CCDC178: variants seen among roughly 807,000 people sequenced by gnomAD.
The protein encoded by CCDC178 is coiled-coil domain-containing protein 178.
CCDC178 carries 126 observed loss-of-function variants against 117.4 expected under a neutral mutation model. The ratio of observed to expected loss-of-function variants is 1.07; its 90% confidence interval spans 0.93 to 1.24. The LOEUF (loss-of-function observed/expected upper bound fraction) is 1.24, where lower values mean the gene tolerates loss of function less well. Ranked by LOEUF, CCDC178 falls within the 50% of genes most tolerant of loss-of-function variation. CCDC178 has a pLI of 0.00. For synonymous variants in CCDC178, 283 were observed against 313.4 expected (o/e 0.90, Z 1.02); for missense variants, 1,030 against 986.9 (o/e 1.04, Z -0.59).
At chr18:33,086,968 TGACA>T (rs1407435268) in intron 21 of CCDC178, among the ~76,000 whole-genome samples, 1 of 79,180 alleles carries the variant, frequency 1.3e-5, no homozygotes, top group Non-Finnish European at 2.3e-5. Flanking sequence ...AGCTATTGGT[TGACA>T]CACACACACA....
chr18:33,158,606 T>A (rs2058427973), intron 20 of CCDC178, among the ~76,000 whole-genome samples: 1 of 152,106 alleles, frequency 6.6e-6, no homozygotes, highest in Middle Eastern at 3.2e-3. Context: ...ATCATTACTA[T>A]AAACATTCAC....
chr18:33,299,314 T>A (rs1201271238), intron 11 of CCDC178, among the ~76,000 whole-genome samples: 1 of 152,074 alleles, frequency 6.6e-6, no homozygotes, highest in Non-Finnish European at 1.5e-5. Context: ...TACAACCAAC[T>A]GATTTTTGAC....
intron 5 of CCDC178, among the ~76,000 whole-genome samples, chr18:33,377,628 G>A (rs911166654): frequency 5.3e-5 from 8 of 152,026 alleles, no homozygotes; most frequent in Non-Finnish European, 7.4e-5. Context: ...TTTTGTATAC[G>A]GTGAAAGGGA....
intron 20 of CCDC178, among the ~76,000 whole-genome samples, chr18:33,191,978 TTC>T (rs1383371265): frequency 6.6e-6 from 1 of 152,208 alleles, no homozygotes; most frequent in Non-Finnish European, 1.5e-5. Context: ...GTTGCACATG[TTC>T]TGTTATATGA....
intron 20 of CCDC178, among the ~76,000 whole-genome samples, chr18:33,190,616 A>G (rs1336364839): frequency 1.3e-5 from 2 of 152,244 alleles, no homozygotes; most frequent in African/African-American, 4.8e-5. Context: ...GATAAGTTGC[A>G]TATTTCCAAG....
At chr18:33,230,749 G>A (rs1270264997) in intron 15 of CCDC178, among the ~76,000 whole-genome samples, 2 of 152,144 alleles carry the variant, frequency 1.3e-5, no homozygotes, top group Non-Finnish European at 2.9e-5. Flanking sequence ...GATGTGGAGA[G>A]ATGGGACAGG....
intron 11 of CCDC178, among the ~76,000 whole-genome samples, chr18:33,306,894 G>C (rs984346360): frequency 6.6e-6 from 1 of 151,810 alleles, no homozygotes; most frequent in African/African-American, 2.4e-5. Flanking sequence ...ATTTTATAAG[G>C]GGCTTCCTCC....
At chr18:33,393,069 T>G (rs1263651793) in intron 4 of CCDC178, among the ~76,000 whole-genome samples, 2 of 152,018 alleles carry the variant, frequency 1.3e-5, no homozygotes, top group Non-Finnish European at 2.9e-5. Context: ...GAGTACAGAG[T>G]GAAAGCAATC....
At chr18:33,109,496 T>C (rs988272126) in intron 20 of CCDC178, among the ~76,000 whole-genome samples, 2 of 151,634 alleles carry the variant, frequency 1.3e-5, no homozygotes, top group Non-Finnish European at 3.0e-5. Context: ...CCCTCGATCT[T>C]TTAAAAACTT....
At chr18:33,411,203 GATA>G (rs925704278) in intron 3 of CCDC178, among the ~76,000 whole-genome samples, 2 of 152,150 alleles carry the variant, frequency 1.3e-5, no homozygotes, top group African/African-American at 4.8e-5. Flanking sequence ...GTGCAGCAGT[GATA>G]ACTGATACAA....
At chr18:33,416,040 G>A (rs796674346) in intron 2 of CCDC178, among the ~76,000 whole-genome samples, 2 of 152,198 alleles carry the variant, frequency 1.3e-5, no homozygotes, top group African/African-American at 4.8e-5. Context: ...ACAAAAGCCT[G>A]CTTTCTTTAG....
At chr18:33,432,043 C>T (rs1889596990) in intron 2 of CCDC178, among the ~76,000 whole-genome samples, 3 of 152,152 alleles carry the variant, frequency 2.0e-5, no homozygotes, top group Admixed American at 2.0e-4. Flanking sequence ...GGCTGCATCA[C>T]AGGCATGAGA....
chr18:33,129,285 C>A (rs1055313789), intron 20 of CCDC178, among the ~76,000 whole-genome samples: 1 of 152,032 alleles, frequency 6.6e-6, no homozygotes, highest in African/African-American at 2.4e-5. Context: ...CTAGTTAATG[C>A]TATAAAGCAA....
chr18:33,155,804 C>T (rs935668590), intron 20 of CCDC178, among the ~76,000 whole-genome samples: 3 of 152,018 alleles, frequency 2.0e-5, no homozygotes, highest in African/African-American at 7.2e-5. Context: ...CACATACTAG[C>T]AGACCCAGAC....
intron 21 of CCDC178, among the ~76,000 whole-genome samples, chr18:33,079,966 A>T (rs988412077): frequency 1.1e-4 from 17 of 152,344 alleles, no homozygotes; most frequent in African/African-American, 3.8e-4. Flanking sequence ...CCATAAAGAC[A>T]TATGTAAGTG....
chr18:33,356,281 CA>C, intron 7 of CCDC178, 42 bp downstream of exon 7: 1 of 1,441,674 alleles, frequency 6.9e-7, no homozygotes, highest in Non-Finnish European at 9.3e-7. Flanking sequence ...GAAATTTGGA[CA>C]TTAAAAATAA....
intron 5 of CCDC178, among the ~76,000 whole-genome samples, chr18:33,375,357 T>A (rs1191158303): frequency 6.6e-6 from 1 of 152,154 alleles, no homozygotes; most frequent in African/African-American, 2.4e-5. Flanking sequence ...TTTGATCATC[T>A]CCTTTAAGTG....
At chr18:33,153,740 T>A (rs1693343) in intron 20 of CCDC178, among the ~76,000 whole-genome samples, 35 of 151,966 alleles carry the variant, frequency 2.3e-4, no homozygotes. Context: ...GTAAATGTTC[T>A]TCAATAAAAT....
At chr18:33,250,164 A>G (rs2059603476) in intron 14 of CCDC178, among the ~76,000 whole-genome samples, 1 of 151,846 alleles carries the variant, frequency 6.6e-6, no homozygotes, top group African/African-American at 2.4e-5. Flanking sequence ...GAGAAATGTC[A>G]ACAAATATAT....
Sources: gnomAD v4.1 joint callset for allele counts (sites outside exome capture counted in the v4.1 genomes callset) on GRCh38, gnomAD v4.1.1 for gene constraint, MANE v1.5 for transcripts, NCBI Gene and HGNC (gene_info 2026-07-23, HGNC 2026-07-21) for gene names.